Variants in ATAD3A observed in about 807,000 individuals in gnomAD.
The protein encoded by ATAD3A is ATPase family AAA domain-containing protein 3A.
Under a neutral mutation model 73.8 loss-of-function variants are expected in ATAD3A, and 46 were observed. The ratio of observed to expected loss-of-function variants is 0.62; its 90% CI spans 0.49 to 0.80. The LOEUF (loss-of-function observed/expected upper bound fraction) is 0.80. Among genes scored for constraint, ATAD3A ranks in the 30% least tolerant of loss-of-function variants. The pLI is 0.00. For missense variants in ATAD3A, 705 were observed against 838.0 expected, an observed-to-expected ratio of 0.84 and a Z score of 1.96; for synonymous variants, 319 against 350.0, an observed-to-expected ratio of 0.91 and a Z score of 0.99.
Position 1,512,206 on chromosome 1 carries a change from G to A in ATAD3A, c.-63G>A. 1 of 1,239,726 alleles carries A rather than the reference G, an allele frequency of 8.1e-7. No individual in the cohort carries two copies. The highest frequency in any genetic ancestry group is 1.0e-6 in the Non-Finnish European group (1 of 988,698). The allele number at this position is 1,239,726 out of a possible 1,614,324, so 76.8% of individuals were successfully genotyped here. A position where few individuals can be genotyped will look rare whatever the true frequency, so the allele number is the denominator to read the frequency against. Reference sequence around the variant, plus strand: ...TCGCGGCGCGTGGAGGCTGCTCCCAGCCGCGCGCGAGTCAGACTCGGGTGG... The same window carrying A: ...TCGCGGCGCGTGGAGGCTGCTCCCAACCGCGCGCGAGTCAGACTCGGGTGG... On this transcript the variant is annotated 5_prime_UTR_variant, in exon 1 of 16. Transcript: ENST00000378756.
intron 1 of ATAD3A, chr1:1,512,683 C>G: frequency 1.5e-6 from 2 of 1,297,578 alleles, no homozygotes; most frequent in Non-Finnish European, 1.0e-6. Flanking sequence ...CTGTCAGGAG[C>G]GGGTCAGGTG....
rs1170648417 is a variant in ATAD3A, at chr1:1,534,038, G to A, written c.1727G>A (p.Gly576Glu). 2.5e-6 allele frequency: 4 copies of A among 1,613,548 alleles called. 1 individual carries two copies. The African/African-American group carries it at 5.3e-5, about 22-fold the overall frequency. Reference protein sequence around the residue: ...QQKMCWLKAEGPGRGDEPSPS With the variant: ...QQKMCWLKAEEPGRGDEPSPS The stretch of plus-strand genomic sequence containing the variant: ...AAGATGTGCTGGCTGAAGGCGGAAG[G>A]GCCTGGGCGTGGGGACGAGCCCTCC... The change falls in exon 16 of 16, where the codon GGG becomes GAG. Residue 576 changes from glycine to glutamate, a missense_variant. Gly to Glu is a moderately conservative substitution (Grantham distance 98). Around this residue, in one of 5 missense-constraint regions of ATAD3A, gnomAD observed 252 missense variants for 278.5 expected, o/e 0.90. Transcript: ENST00000378756.
At chr1:1,531,542 G>A (rs1642034075) in intron 15 of ATAD3A, among the ~76,000 whole-genome samples, 1 of 152,018 alleles carries the variant, frequency 6.6e-6, no homozygotes, top group South Asian at 2.1e-4. Flanking sequence ...GGGAGGCCGA[G>A]ATGGGCGGAT....
chr1:1,529,288 G>A lies in ATAD3A; in HGVS notation c.1571G>A (p.Gly524Asp). 2 of 1,606,518 alleles carry A rather than the reference G, an allele frequency of 1.2e-6. No homozygotes were observed. The highest frequency in any genetic ancestry group is 4.5e-5 in the East Asian group (2 of 44,578). Residue 524 changes from glycine to aspartate, a missense_variant, in exon 15 of 16, where the codon GGC becomes GAC. Gly to Asp is a moderately conservative substitution (Grantham distance 94, BLOSUM62 -1). This residue lies in a region of ATAD3A where 252 missense variants were observed against 278.5 expected (regional missense o/e 0.90). Transcript: ENST00000378756. ...KCSEVARLTE[G>D]MSGREIAQLA... is the part of the protein sequence containing the mutation. The stretch of plus-strand genomic sequence containing the variant: ...TCGGAGGTCGCTCGGCTGACGGAGG[G>A]CATGTCGGGCCGGGAGATCGCTCAG...
chr1:1,529,561 C>T (rs1641966186), intron 15 of ATAD3A, among the ~76,000 whole-genome samples: 1 of 152,220 alleles, frequency 6.6e-6, no homozygotes, highest in African/African-American at 2.4e-5. Context: ...CTGACAGTCA[C>T]CCGGGGCTCT....
chr1:1,517,303 C>T lies in ATAD3A; in HGVS notation c.283-8C>T. On this transcript the variant is annotated splice_polypyrimidine_tract_variant and splice_region_variant and intron_variant, in intron 2 of 15. Coordinates refer to ENST00000378756, the MANE Select transcript of ATAD3A (RefSeq NM_001170535.3). ...CAAGTGCCAGCTGGTGAGTGCTGTG[C>T]TCTGCAGGAGTATGAGGCCGCCGTG... The T allele has an allele frequency of 2.6e-6, 4 of 1,547,022 alleles. No individual in the cohort carries two copies. The highest frequency in any genetic ancestry group is 3.5e-6 in the Non-Finnish European group (4 of 1,146,674).
intron 1 of ATAD3A, among the ~76,000 whole-genome samples, chr1:1,514,266 C>G (rs1446912236): frequency 6.6e-6 from 1 of 151,950 alleles, no homozygotes; most frequent in Non-Finnish European, 1.5e-5. Context: ...TTAATCCAGC[C>G]AAAGGTCCCC....
At chr1:1,533,311 C>T (rs777845162) in intron 15 of ATAD3A, among the ~76,000 whole-genome samples, 6 of 152,228 alleles carry the variant, frequency 3.9e-5, no homozygotes, top group South Asian at 2.1e-4. Flanking sequence ...CCACGCCCTT[C>T]GCTGGCATTG....
chr1:1,533,014 C>T (rs978166300), intron 15 of ATAD3A, among the ~76,000 whole-genome samples: 6 of 152,198 alleles, frequency 3.9e-5, no homozygotes, highest in African/African-American at 9.7e-5. Context: ...GAGGGGTGGG[C>T]GCTTGCAGAG....
chr1:1,532,535 T>C (rs2767466), intron 15 of ATAD3A, among the ~76,000 whole-genome samples: 3 of 152,222 alleles, frequency 2.0e-5, no homozygotes, highest in Admixed American at 1.3e-4. Flanking sequence ...TGGACCCACC[T>C]GTGACTGGGT....
chr1:1,520,028 C>T lies in ATAD3A; in HGVS notation c.515-113C>T. On this transcript the variant is annotated intron_variant, in intron 5 of 15. Transcript: ENST00000378756. The surrounding 1 kb of genome is among the most constrained non-coding windows in gnomAD (Gnocchi z 4.0). The stretch of plus-strand genomic sequence containing the variant: ...GTCCGTGGCATGGGCCTGTCTGTGG[C>T]GTTGGTCTGTCCGTGGCGTGGGCCG... 5.4e-6 allele frequency: 8 copies of T among 1,476,768 alleles called. No homozygotes were observed. The highest frequency in any genetic ancestry group is 1.4e-5 in the African/African-American group (1 of 71,950). 91.5% of individuals were successfully genotyped at this position (1,476,768 alleles called of 1,614,324 possible).
At chr1:1,515,540 G>A (rs1641327465) in intron 1 of ATAD3A, among the ~76,000 whole-genome samples, 2 of 152,142 alleles carry the variant, frequency 1.3e-5, no homozygotes, top group African/African-American at 4.8e-5. Flanking sequence ...ACGTAACTGA[G>A]GACGTTGTCA....
chr1:1,532,896 C>T (rs1411468436), intron 15 of ATAD3A, among the ~76,000 whole-genome samples: 1 of 151,934 alleles, frequency 6.6e-6, no homozygotes, highest in Admixed American at 6.6e-5. Flanking sequence ...GGGCCCCTGA[C>T]CCACAGTGGC....
Position 1,512,387 on chromosome 1 carries a change from G to A in ATAD3A, c.119G>A (p.Arg40Gln), listed in dbSNP as rs1401591378. 1.9e-5 allele frequency: 24 copies of A among 1,240,244 alleles called. No homozygotes were observed. The highest frequency in any genetic ancestry group is 1.7e-4 in the African/African-American group (11 of 63,442). 76.8% of individuals were successfully genotyped at this position (1,240,244 alleles called of 1,614,324 possible). ...GGCGGGGACCGCGGGTTGGGAGACC[G>A]GCCGGCGCCCAAGGACAAATGGAGC... ...EGGGDRGLGD[R>Q]PAPKDKWSNF... Residue 40 changes from arginine (R) to glutamine (Q), a missense_variant, in exon 1 of 16, where the codon CGG becomes CAG. Arg to Gln is a conservative substitution (Grantham distance 43). This residue lies in a region of ATAD3A where 125 missense variants were observed against 170.6 expected (regional missense o/e 0.73). Coordinates refer to ENST00000378756, the MANE Select transcript of ATAD3A (RefSeq NM_001170535.3).
intron 14 of ATAD3A, 35 bp from the exon 15 acceptor site, chr1:1,529,188 G>C (rs1160791978): frequency 6.2e-7 from 1 of 1,604,042 alleles, no homozygotes; most frequent in South Asian, 1.1e-5. Context: ...GGGAGCTGCT[G>C]CCTTGGCCGG....
rs146756261 is a variant in ATAD3A, at chr1:1,520,990, G to C, written c.750+373G>C. Among the ~76,000 whole-genome samples, 521 of 152,128 alleles carry C rather than the reference G, an allele frequency of 3.4e-3. 2 individuals are homozygous for C. The highest frequency in any genetic ancestry group is 0.012 in the African/African-American group (486 of 41,496). ...ACTGCACTCCATCCTGGGCGACAAA[G>C]TCCTTGTCTCAAGAAAAAAATTGTC... On this transcript the variant is annotated intron_variant, in intron 7 of 15. Coordinates refer to ENST00000378756, the MANE Select transcript of ATAD3A (RefSeq NM_001170535.3). This position sits in a 1 kb window ranked among gnomAD's most constrained non-coding sequence, Gnocchi z 4.0.
intron 11 of ATAD3A, among the ~76,000 whole-genome samples, chr1:1,524,945 C>T (rs1434872463): frequency 6.6e-6 from 1 of 152,196 alleles, no homozygotes; most frequent in African/African-American, 2.4e-5. Flanking sequence ...CTGTCGTGGA[C>T]TCTAAGCGGC....
chr1:1,518,978 G>A lies in ATAD3A; in HGVS notation c.502G>A (p.Ala168Thr), dbSNP rs1185756410. The change falls in exon 5 of 16, where the codon GCC becomes ACC. Residue 168 changes from alanine (A) to threonine (T), a missense_variant. Physicochemically the swap from Ala to Thr is moderately conservative, Grantham distance 58. This residue lies in a region of ATAD3A where 315 missense variants were observed against 334.1 expected (regional missense o/e 0.94). Coordinates refer to ENST00000378756, the MANE Select transcript of ATAD3A (RefSeq NM_001170535.3). ...KQEESVQKQE[A>T]MRRATVEREM... ...GGAGGAGTCCGTGCAGAAGCAGGAA[G>A]CCATGCGGCGAGGTAGGCTGTCTGC... The A allele has an allele frequency of 6.2e-7, 1 of 1,614,182 alleles. No individual in the cohort carries two copies. Among genetic ancestry groups the A allele is most frequent in the South Asian group, 1.1e-5 (1 of 91,082 alleles).
Position 1,520,120 on chromosome 1 carries a change from T to C in ATAD3A, c.515-21T>C. ...CGCGCTGCACTGCATGGTGCTGAGCTGCCCTGCCTCTCTGGGGCAGCCACC... is the reference window on the plus strand; with the variant it reads ...CGCGCTGCACTGCATGGTGCTGAGCCGCCCTGCCTCTCTGGGGCAGCCACC... On this transcript the variant is annotated intron_variant, in intron 5 of 15. Coordinates refer to ENST00000378756, the MANE Select transcript of ATAD3A (RefSeq NM_001170535.3). The surrounding 1 kb of genome is among the most constrained non-coding windows in gnomAD (Gnocchi z 4.0). 1 of 1,605,030 alleles carries C rather than the reference T, an allele frequency of 6.2e-7. No individual in the cohort carries two copies. The highest frequency in any genetic ancestry group is 1.1e-5 in the South Asian group (1 of 90,062).
Sources: gnomAD v4.1 joint callset for allele counts (sites outside exome capture counted in the v4.1 genomes callset) on GRCh38, gnomAD v4.1.1 for gene constraint, gnomAD v4.1.1 regional missense constraint, Gnocchi (gnomAD v3.1) non-coding constraint, MANE v1.5 for transcripts, NCBI Gene and HGNC (gene_info 2026-07-23, HGNC 2026-07-21) for gene names.